OR8S1: variants seen among roughly 807,000 people sequenced by gnomAD.
OR8S1 encodes olfactory receptor 8S1.
For missense variants in OR8S1, 362 were observed against 372.1 expected, an observed-to-expected ratio of 0.97 and a Z score of 0.22; for synonymous variants, 150 against 151.4, an observed-to-expected ratio of 0.99 and a Z score of 0.07.
exon 1 of OR8S1, chr12:48,526,016 C>T (rs1351552228): frequency 1.2e-6 from 2 of 1,614,032 alleles, no homozygotes; most frequent in Admixed American, 1.7e-5. Flanking sequence ...CATCTGCCGC[C>T]CACTACTTTA....
chr12:48,525,880 G>A (rs758650839), exon 1 of OR8S1: 1 of 1,614,068 alleles, frequency 6.2e-7, no homozygotes, highest in East Asian at 2.2e-5. Flanking sequence ...AGATGCTGGA[G>A]AACCTCCTGT....
chr12:48,525,921 G>A lies in OR8S1; in HGVS notation c.290G>A (p.Cys97Tyr), dbSNP rs1938214517. 6 of 1,614,208 alleles carry A rather than the reference G, an allele frequency of 3.7e-6. No individual in the cohort carries two copies. In the East Asian group the frequency reaches 1.3e-4, roughly 36 times the overall value. The change falls in exon 1 of 1, where the codon TGC becomes TAC. Residue 97 changes from cysteine to tyrosine, a missense_variant. Cys to Tyr is a radical substitution (Grantham distance 194). Transcript: ENST00000641651. ...AGGAAAACCATTTCAGTAGAGGGCT[G>A]CCTGGCTCAGGTCTTCTTTGTGTTT...
At chr12:48,525,762 T>C in exon 1 of OR8S1, 1 of 1,614,068 alleles carries the variant, frequency 6.2e-7, no homozygotes, top group African/African-American at 1.3e-5. Context: ...GAAAACCTGA[T>C]GCTGCTGCTC....
chr12:48,526,348 C>T (rs745605172), exon 1 of OR8S1: 11 of 1,614,034 alleles, frequency 6.8e-6, no homozygotes, highest in African/African-American at 1.3e-5. Flanking sequence ...AGGCCTTCTC[C>T]ACCTGCTCTG....
At chr12:48,526,107 A>G (rs780456505) in exon 1 of OR8S1, 4 of 1,614,158 alleles carry the variant, frequency 2.5e-6, no homozygotes, top group Non-Finnish European at 3.4e-6. Context: ...GCACTCATCA[A>G]TGTCCTCCTA....
exon 1 of OR8S1, chr12:48,526,452 T>C (rs199916308): frequency 3.1e-6 from 5 of 1,613,494 alleles, no homozygotes; most frequent in Non-Finnish European, 3.4e-6. Context: ...ATCTTCTCTG[T>C]GCAGTATACT....
chr12:48,525,772 CAT>C lies in OR8S1; in HGVS notation c.142_143del (p.Met48AspfsTer4), dbSNP rs780481818. On this transcript the variant is annotated frameshift_variant, in exon 1 of 1. Transcript: ENST00000641651. LOFTEE classifies it low-confidence loss of function (END_TRUNC). ...TAATGGAAAACCTGATGCTGCTGCT[CAT>C]GATCAGGGCTGATTCTTGTCTCCAT... 1 of 1,614,136 alleles carries C rather than the reference CAT, an allele frequency of 6.2e-7. No individual in the cohort carries two copies. Among genetic ancestry groups the C allele is most frequent in the Non-Finnish European group, 8.5e-7 (1 of 1,180,004 alleles).
At chr12:48,526,390 C>T (rs1038349244) in exon 1 of OR8S1, 2 of 1,614,066 alleles carry the variant, frequency 1.2e-6, no homozygotes, top group African/African-American at 2.7e-5. Context: ...TTTACTATGG[C>T]TCAGGTTTGC....
chr12:48,526,008 T>A (rs1200839572), exon 1 of OR8S1: 1 of 1,614,150 alleles, frequency 6.2e-7, no homozygotes. Flanking sequence ...CATGCTGCCA[T>A]CTGCCGCCCA....
exon 1 of OR8S1, chr12:48,526,100 C>CTCATCAATG: frequency 6.2e-7 from 1 of 1,614,158 alleles, no homozygotes; most frequent in Non-Finnish European, 8.5e-7. Context: ...TCTGGACGCA[C>CTCATCAATG]TCATCAATGT....
At chr12:48,526,384 C>T (rs1938220762) in exon 1 of OR8S1, 4 of 1,614,172 alleles carry the variant, frequency 2.5e-6, no homozygotes, top group Middle Eastern at 1.6e-4. Context: ...TGACACTTTA[C>T]TATGGCTCAG....
exon 1 of OR8S1, chr12:48,525,715 T>C: frequency 3.1e-6 from 5 of 1,614,178 alleles, no homozygotes; most frequent in Non-Finnish European, 4.2e-6. Flanking sequence ...CTCTGCTCTT[T>C]GTGCTGTTCC....
exon 1 of OR8S1, chr12:48,526,329 G>A (rs2137116169): frequency 1.1e-5 from 17 of 1,614,042 alleles, no homozygotes; most frequent in Non-Finnish European, 1.2e-5. Context: ...TCTACCTCGG[G>A]CAGAAGCAAG....
exon 1 of OR8S1, chr12:48,526,274 T>G: frequency 6.2e-7 from 1 of 1,613,516 alleles, no homozygotes; most frequent in Non-Finnish European, 8.5e-7. Context: ...CCTTTTGGTC[T>G]TCTTATCCTA....
chr12:48,526,495 T>C (rs774990264), exon 1 of OR8S1: 1 of 1,607,774 alleles, frequency 6.2e-7, no homozygotes, highest in East Asian at 2.2e-5. Context: ...CCCTCATCTA[T>C]AGCCTGAAAA....
At chr12:48,525,750 T>G in exon 1 of OR8S1, 1 of 1,614,196 alleles carries the variant, frequency 6.2e-7, no homozygotes, top group Non-Finnish European at 8.5e-7. Context: ...CTGACCATAA[T>G]GGAAAACCTG....
exon 1 of OR8S1, chr12:48,525,755 A>G: frequency 6.2e-7 from 1 of 1,614,082 alleles, no homozygotes. Flanking sequence ...CATAATGGAA[A>G]ACCTGATGCT....
chr12:48,525,875 C>T, exon 1 of OR8S1: 3 of 1,614,160 alleles, frequency 1.9e-6, no homozygotes, highest in Non-Finnish European at 2.5e-6. Flanking sequence ...GCCCAAGATG[C>T]TGGAGAACCT....
chr12:48,525,664 G>C, exon 1 of OR8S1: 1 of 1,613,880 alleles, frequency 6.2e-7, no homozygotes. Context: ...CCATCACCGA[G>C]TTCCTCCTCC....
Sources: gnomAD v4.1 joint callset for allele counts on GRCh38, gnomAD v4.1.1 for gene constraint, MANE v1.5 for transcripts, NCBI Gene and HGNC (gene_info 2026-07-23, HGNC 2026-07-21) for gene names.